The following NDUFS7 variants were observed in gnomAD, a reference collection of about 807,000 sequenced individuals.
NDUFS7 encodes NADH dehydrogenase [ubiquinone] iron-sulfur protein 7, mitochondrial.
NDUFS7 carries 11 observed loss-of-function variants against 31.1 expected under a neutral mutation model. That is an observed-to-expected ratio of 0.35 (90% CI 0.22 to 0.59). The LOEUF is 0.59. NDUFS7 is among the 20% of genes least tolerant of loss of function. The probability of loss-of-function intolerance (pLI) is 0.79; values close to 1 mark genes in which losing one functional copy is unlikely to be tolerated. For synonymous variants in NDUFS7, 136 were observed against 127.9 expected (o/e 1.06, Z -0.43); for missense variants, 263 against 324.2 (o/e 0.81, Z 1.45).
chr19:1,392,278 A>C (rs1288488313), intron 6 of NDUFS7: 1 of 152,244 alleles, frequency 6.6e-6, no homozygotes, highest in Admixed American at 6.6e-5. Context: ...TTAGCCTCTC[A>C]GAGTGCTGGG....
At chr19:1,394,151 C>A in intron 7 of NDUFS7, 1 of 350,222 alleles carries the variant, frequency 2.9e-6, no homozygotes, top group Non-Finnish European at 5.6e-6. Context: ...GCGAGAGGCA[C>A]ATCCTGGTGC....
In NDUFS7 at chr19:1,393,897, A is replaced by C. The variant is rs563383383; in HGVS notation, c.544+567A>C. On this transcript the variant is annotated intron_variant, in intron 7 of 7. Transcript: ENST00000233627. This position sits in a 1 kb window ranked among gnomAD's most constrained non-coding sequence, Gnocchi z 7.3. ...AGCATTGGCTGCATACCTGAAATTC[A>C]CATCGCACCGGGAACATTCTTTATA... 42 of 235,092 alleles carry C rather than the reference A, an allele frequency of 1.8e-4. No homozygotes were observed. Among genetic ancestry groups the C allele is most frequent in the Non-Finnish European group, 3.1e-4 (37 of 117,794 alleles). 14.6% of individuals were successfully genotyped at this position (235,092 alleles called of 1,614,324 possible). A position where few individuals can be genotyped will look rare whatever the true frequency, so the allele number is the denominator to read the frequency against.
intron 1 of NDUFS7, chr19:1,386,572 C>T (rs184762423): frequency 6.6e-6 from 1 of 152,432 alleles, no homozygotes; most frequent in Non-Finnish European, 1.5e-5. Flanking sequence ...CCTCTGCTCA[C>T]TGCAACCTCT....
At chr19:1,390,790 T>G in intron 4 of NDUFS7, 81 bp from the exon 5 acceptor site, 1 of 1,499,752 alleles carries the variant, frequency 6.7e-7, no homozygotes, top group Non-Finnish European at 9.0e-7. Flanking sequence ...AGTCGGGGGT[T>G]CTGGGTGCTC....
At position 1,383,950 on chromosome 19, in the gene NDUFS7, C is replaced by A; in HGVS notation, c.16+8C>A. 1 of 1,568,740 alleles carries A rather than the reference C, an allele frequency of 6.4e-7. No individual in the cohort carries two copies. Among genetic ancestry groups the A allele is most frequent in the Non-Finnish European group, 8.6e-7 (1 of 1,158,894 alleles). ...AGATGGCGGTGCTGTCAGGTGAGCGCGGCACCGGCGGCGGGTGTGGGGCCG... is the reference window on the plus strand; with the variant it reads ...AGATGGCGGTGCTGTCAGGTGAGCGAGGCACCGGCGGCGGGTGTGGGGCCG... On this transcript the variant is annotated splice_region_variant and intron_variant, in intron 1 of 7. Coordinates refer to ENST00000233627, the MANE Select transcript of NDUFS7 (RefSeq NM_024407.5).
At chr19:1,389,279 T>G in intron 4 of NDUFS7, 1 of 597,752 alleles carries the variant, frequency 1.7e-6, no homozygotes, top group East Asian at 3.5e-5. Context: ...ACACGCACAC[T>G]CGCACACACG....
chr19:1,391,244 A>G (rs2082555494), intron 6 of NDUFS7, 79 bp downstream of exon 6: 23 of 1,508,806 alleles, frequency 1.5e-5, no homozygotes, highest in Non-Finnish European at 2.0e-5. Context: ...GCGCTTATCA[A>G]AAGTGTCATC....
chr19:1,388,009 C>T (rs1427286621), intron 2 of NDUFS7, 162 bp downstream of exon 2: 23 of 737,034 alleles, frequency 3.1e-5, no homozygotes, highest in African/African-American at 8.6e-5. Flanking sequence ...CGTGATGTGC[C>T]GGGACCCTCC....
chr19:1,394,684 G>GCTCCTCC, intron 7 of NDUFS7: 1 of 1,199,670 alleles, frequency 8.3e-7, no homozygotes, highest in Non-Finnish European at 1.1e-6. Context: ...GGACTGTGCT[G>GCTCCTCC]CTCCCTCCCT....
At chr19:1,389,253 GCACATATACACATGCA>G (rs1183679120) in intron 4 of NDUFS7, 1 of 648,520 alleles carries the variant, frequency 1.5e-6, no homozygotes, top group East Asian at 3.0e-5. Flanking sequence ...ACACTCATGC[GCACATATACACATGCA>G]CACGCACACT....
Position 1,388,931 on chromosome 19 carries a change from C to T in NDUFS7, c.221C>T (p.Ala74Val), listed in dbSNP as rs2082529302. ...VAKLDDLVNWARRSSLWPMTF... is the reference protein window; with the variant it reads ...VAKLDDLVNWVRRSSLWPMTF... The stretch of plus-strand genomic sequence containing the variant: ...AAGCTGGATGACCTCGTCAACTGGG[C>T]CCGCCGGGTGAGTACTATGAGCTGT... The change falls in exon 4 of 8, where the codon GCC (alanine) becomes GTC (valine). Residue 74 changes from alanine (A) to valine (V), a missense_variant. By Grantham distance (64) the Ala-to-Val change is moderately conservative. Coordinates refer to ENST00000233627, the MANE Select transcript of NDUFS7 (RefSeq NM_024407.5). The T allele has an allele frequency of 1.2e-6, 2 of 1,605,216 alleles. No homozygotes were observed. The highest frequency in any genetic ancestry group is 8.5e-7 in the Non-Finnish European group (1 of 1,176,336).
At chr19:1,392,828 C>G in intron 6 of NDUFS7, 1 of 286,932 alleles carries the variant, frequency 3.5e-6, no homozygotes, top group African/African-American at 2.2e-5. Context: ...GTTTCCAGCT[C>G]CCTGCCCCGG....
rs762639186 is a variant in NDUFS7, at chr19:1,393,092, G to A, written c.456-150G>A. On this transcript the variant is annotated intron_variant, in intron 6 of 7. Coordinates refer to ENST00000233627, the MANE Select transcript of NDUFS7 (RefSeq NM_024407.5). The surrounding 1 kb of genome is among the most constrained non-coding windows in gnomAD (Gnocchi z 7.3). The stretch of plus-strand genomic sequence containing the variant: ...CCACAGAGGCTCTGGGAGCCTGTGC[G>A]TGTTTGCTCATTGCTTCTCCGTGAC... 1.3e-4 allele frequency: 84 copies of A among 665,500 alleles called. No homozygotes were observed. Among genetic ancestry groups the A allele is most frequent in the Non-Finnish European group, 1.9e-4 (70 of 369,912 alleles). 41.2% of individuals were successfully genotyped at this position (665,500 alleles called of 1,614,324 possible). A position where few individuals can be genotyped will look rare whatever the true frequency, so the allele number is the denominator to read the frequency against.
chr19:1,395,511 GC>G lies in NDUFS7; in HGVS notation c.*25del, dbSNP rs757081402. 1 of 1,558,370 alleles carries G rather than the reference GC, an allele frequency of 6.4e-7. No individual in the cohort carries two copies. The highest frequency in any genetic ancestry group is 2.4e-5 in the East Asian group (1 of 41,926). ...TAGCGCCGCCGCCGCCGCCGCCGGA[GC>G]CTGTCGCCGTCCTGTCCCCAGCCTG... On this transcript the variant is annotated 3_prime_UTR_variant, in exon 8 of 8. Transcript: ENST00000233627.
chr19:1,387,001 C>T (rs956448381), intron 1 of NDUFS7: 4 of 152,330 alleles, frequency 2.6e-5, no homozygotes, highest in African/African-American at 7.2e-5. Context: ...GTGGCAAGGC[C>T]CTGCTCTGGC....
chr19:1,388,206 C>T (rs1426121192), intron 2 of NDUFS7: 2 of 587,398 alleles, frequency 3.4e-6, no homozygotes, highest in South Asian at 2.0e-5. Context: ...GGCGCATGCC[C>T]AGGGATCTTA....
At chr19:1,384,193 G>C (rs1401966794) in intron 1 of NDUFS7, 9 of 509,812 alleles carry the variant, frequency 1.8e-5, no homozygotes, top group Non-Finnish European at 2.0e-5. Flanking sequence ...TCAGGAAGGC[G>C]CTCGGGGTGG....
At chr19:1,388,067 C>T (rs2082521707) in intron 2 of NDUFS7, 14 of 637,118 alleles carry the variant, frequency 2.2e-5, no homozygotes, top group Non-Finnish European at 3.7e-5. Flanking sequence ...AGGAGGAAAA[C>T]CCTGTGGGCC....
intron 4 of NDUFS7, chr19:1,390,480 T>TC: frequency 3.3e-6 from 1 of 299,062 alleles, no homozygotes; most frequent in Non-Finnish European, 6.4e-6. Context: ...CCTGGAGGCG[T>TC]CGCACTTGGT....
Sources: gnomAD v4.1 joint callset for allele counts on GRCh38, gnomAD v4.1.1 for gene constraint, Gnocchi (gnomAD v3.1) non-coding constraint, MANE v1.5 for transcripts, NCBI Gene and HGNC (gene_info 2026-07-23, HGNC 2026-07-21) for gene names.